Variants in CD96 observed in about 807,000 individuals in gnomAD.
CD96 encodes T-cell surface protein tactile.
CD96 carries 70 observed loss-of-function variants against 71.3 expected under a neutral mutation model. That is an observed-to-expected ratio of 0.98 (90% CI 0.81 to 1.20). The LOEUF (loss-of-function observed/expected upper bound fraction) is 1.20, where lower values mean the gene tolerates loss of function less well. Ranked by LOEUF, CD96 falls within the 50% of genes most tolerant of loss-of-function variation. The pLI, the probability that CD96 is intolerant of heterozygous loss-of-function variation, is 0.00. For missense variants in CD96, 742 were observed against 677.5 expected, an observed-to-expected ratio of 1.10 and a Z score of -1.06; for synonymous variants, 248 against 233.0, an observed-to-expected ratio of 1.06 and a Z score of -0.59.
intron 10 of CD96, among the ~76,000 whole-genome samples, chr3:111,626,774 T>A (rs182313522): frequency 6.6e-6 from 1 of 152,206 alleles, no homozygotes; most frequent in African/African-American, 2.4e-5. Flanking sequence ...GGCAACCATA[T>A]ACAACAGCAT....
chr3:111,619,012 A>C (rs1381901349), intron 8 of CD96, among the ~76,000 whole-genome samples: 3 of 152,230 alleles, frequency 2.0e-5, no homozygotes, highest in Non-Finnish European at 4.4e-5. Context: ...AAAATATTTC[A>C]GTATTTCCCA....
intron 7 of CD96, among the ~76,000 whole-genome samples, chr3:111,602,527 A>G (rs1937520959): frequency 6.6e-6 from 1 of 152,200 alleles, no homozygotes; most frequent in Non-Finnish European, 1.5e-5. Context: ...GTTTCTCAAA[A>G]TTATAGCTTA....
chr3:111,563,151 A>G (rs1422489029), intron 2 of CD96, among the ~76,000 whole-genome samples: 1 of 152,244 alleles, frequency 6.6e-6, no homozygotes, highest in Non-Finnish European at 1.5e-5. Flanking sequence ...GCTCTGTCCT[A>G]TCACCTCCCA....
At chr3:111,608,787 A>C (rs1344409206) in intron 8 of CD96, among the ~76,000 whole-genome samples, 1 of 152,250 alleles carries the variant, frequency 6.6e-6, no homozygotes, top group Non-Finnish European at 1.5e-5. Flanking sequence ...ATTAATAAGA[A>C]TAATGTTCCT....
intron 10 of CD96, among the ~76,000 whole-genome samples, chr3:111,626,599 T>G (rs1046081273): frequency 6.6e-6 from 1 of 152,122 alleles, no homozygotes; most frequent in Non-Finnish European, 1.5e-5. Context: ...CCCTCCAAAA[T>G]TAGTACATCT....
At chr3:111,615,067 AACG>A (rs1228202561) in intron 8 of CD96, among the ~76,000 whole-genome samples, 1 of 152,212 alleles carries the variant, frequency 6.6e-6, no homozygotes, top group Non-Finnish European at 1.5e-5. Flanking sequence ...CCCTGCTTTC[AACG>A]TGAGGTGGCT....
chr3:111,585,019 T>A (rs1936642393), intron 4 of CD96, among the ~76,000 whole-genome samples: 1 of 152,190 alleles, frequency 6.6e-6, no homozygotes, highest in South Asian at 2.1e-4. Context: ...CTTCAAATCC[T>A]ACATGTCCTT....
At chr3:111,662,252 A>T (rs1235870265) in intron 14 of CD96, among the ~76,000 whole-genome samples, 1 of 152,252 alleles carries the variant, frequency 6.6e-6, no homozygotes, top group African/African-American at 2.4e-5. Context: ...GGCCTAGCCC[A>T]GGAAACCATT....
intron 5 of CD96, among the ~76,000 whole-genome samples, chr3:111,592,281 T>G (rs560537610): frequency 6.6e-6 from 1 of 152,208 alleles, no homozygotes; most frequent in Admixed American, 6.5e-5. Context: ...AGGAAATTAC[T>G]CTCTCCCTAT....
At chr3:111,591,162 CAA>C (rs994491192) in intron 5 of CD96, among the ~76,000 whole-genome samples, 1 of 152,038 alleles carries the variant, frequency 6.6e-6, no homozygotes, top group African/African-American at 2.4e-5. Flanking sequence ...ATCATGAGGT[CAA>C]GAGATCCAGA....
At chr3:111,596,871 G>T (rs1937284948) in intron 5 of CD96, among the ~76,000 whole-genome samples, 1 of 152,172 alleles carries the variant, frequency 6.6e-6, no homozygotes, top group East Asian at 1.9e-4. Flanking sequence ...GGGAATACTG[G>T]GAGCTACGGT....
chr3:111,609,598 A>C (rs957781934), intron 8 of CD96, among the ~76,000 whole-genome samples: 1 of 152,228 alleles, frequency 6.6e-6, no homozygotes, highest in Non-Finnish European at 1.5e-5. Context: ...CAAAATTCAA[A>C]GCAAAAGAAA....
At position 111,650,156 on chromosome 3, in the gene CD96, C is replaced by A; in HGVS notation, c.*350C>A. The A allele has an allele frequency of 3.4e-6, 1 of 291,958 alleles. No homozygotes were observed. The highest frequency in any genetic ancestry group is 6.8e-6 in the Non-Finnish European group (1 of 147,644). 18.1% of individuals were successfully genotyped at this position (291,958 alleles called of 1,614,324 possible). A position where few individuals can be genotyped will look rare whatever the true frequency, so the allele number is the denominator to read the frequency against. On this transcript the variant is annotated 3_prime_UTR_variant, in exon 14 of 14. Transcript: ENST00000352690. ...CAATGGTTTCAACTGTATGCCCATG[C>A]CTGATCCTCTTATTTGAACATCTAT...
At chr3:111,555,900 A>C (rs1170135334) in intron 2 of CD96, among the ~76,000 whole-genome samples, 3 of 152,402 alleles carry the variant, frequency 2.0e-5, no homozygotes, top group Admixed American at 6.5e-5. Flanking sequence ...TGTTTCATGT[A>C]TGTTACCATA....
At chr3:111,635,905 T>C (rs1037179061) in intron 10 of CD96, among the ~76,000 whole-genome samples, 3 of 152,158 alleles carry the variant, frequency 2.0e-5, no homozygotes, top group Non-Finnish European at 2.9e-5. Context: ...AGAACAAACT[T>C]CCTTCTTCAT....
chr3:111,613,221 C>T (rs1435337202), intron 8 of CD96, among the ~76,000 whole-genome samples: 1 of 152,164 alleles, frequency 6.6e-6, no homozygotes, highest in East Asian at 1.9e-4. Flanking sequence ...ATCAGTTGAC[C>T]TATTTTTCAG....
intron 2 of CD96, among the ~76,000 whole-genome samples, chr3:111,561,084 AT>A (rs1935370716): frequency 7.7e-6 from 1 of 130,482 alleles, no homozygotes; most frequent in African/African-American, 3.2e-5. Context: ...ACTTCTCTGT[AT>A]TGGTTATTCT....
chr3:111,548,772 A>G (rs1202069430), intron 2 of CD96, among the ~76,000 whole-genome samples: 1 of 152,186 alleles, frequency 6.6e-6, no homozygotes, highest in Non-Finnish European at 1.5e-5. Flanking sequence ...TAAAATTTTG[A>G]TACTACAATG....
At chr3:111,558,824 A>G (rs866767870) in intron 2 of CD96, among the ~76,000 whole-genome samples, 41 of 148,076 alleles carry the variant, frequency 2.8e-4, no homozygotes, top group African/African-American at 1.0e-3. Context: ...TCGGCTGTGA[A>G]TCCATCTGGT....
Sources: allele counts gnomAD v4.1 joint callset (sites outside exome capture counted in the v4.1 genomes callset), GRCh38; gene constraint gnomAD v4.1.1; transcripts MANE v1.5; gene names NCBI Gene and HGNC (gene_info 2026-07-23, HGNC 2026-07-21).